The following B3GALT1 variants were observed in gnomAD, a reference collection of about 807,000 sequenced individuals.
The protein encoded by B3GALT1 is UDP-Gal:betaGlcNAc beta 1,3-galactosyltransferase, polypeptide 1.
Under a neutral mutation model 23.2 loss-of-function variants are expected in B3GALT1, and 10 were observed. The observed-to-expected ratio is 0.43, with a 90% CI of 0.27 to 0.73. B3GALT1 has a LOEUF of 0.73. Among genes scored for constraint, B3GALT1 ranks in the 30% least tolerant of loss-of-function variants. The pLI, the probability that B3GALT1 is intolerant of heterozygous loss-of-function variation, is 0.21. For synonymous variants in B3GALT1, 156 were observed against 141.5 expected (o/e 1.10, Z -0.73); for missense variants, 299 against 405.4 (o/e 0.74, Z 2.25).
chr2:167,815,973 G>A (rs6716210), intron 3 of B3GALT1, among the ~76,000 whole-genome samples: 17,187 of 152,156 alleles, frequency 0.11, 1,482 homozygotes, highest in East Asian at 0.35. Flanking sequence ...ATATTATTTT[G>A]TATTCTGAAA....
chr2:167,699,512 T>C (rs1048027181), intron 3 of B3GALT1, among the ~76,000 whole-genome samples: 10 of 150,224 alleles, frequency 6.7e-5, no homozygotes, highest in African/African-American at 2.4e-4. Flanking sequence ...TTTGCAAAAA[T>C]TAAAGTAAAT....
At chr2:167,865,213 A>G (rs1210839833) in intron 4 of B3GALT1, among the ~76,000 whole-genome samples, 1 of 151,666 alleles carries the variant, frequency 6.6e-6, no homozygotes, top group Non-Finnish European at 1.5e-5. Context: ...GTTGGAGACC[A>G]GCCTGGCCAA....
At chr2:167,410,941 AAAATGTTGATGCTATAC>A (rs1698381004) in intron 1 of B3GALT1, among the ~76,000 whole-genome samples, 1 of 152,110 alleles carries the variant, frequency 6.6e-6, no homozygotes, top group Non-Finnish European at 1.5e-5. Flanking sequence ...GACCTAACAG[AAAATGTTGATGCTATAC>A]AAATGTATTT....
At chr2:167,822,959 C>T (rs1168498997) in intron 4 of B3GALT1, among the ~76,000 whole-genome samples, 1 of 152,204 alleles carries the variant, frequency 6.6e-6, no homozygotes, top group African/African-American at 2.4e-5. Context: ...CATTTCCTAG[C>T]CTTCCTTAGA....
At chr2:167,497,607 A>G (rs1699798491) in intron 2 of B3GALT1, among the ~76,000 whole-genome samples, 1 of 152,140 alleles carries the variant, frequency 6.6e-6, no homozygotes, top group East Asian at 1.9e-4. Context: ...GCCTTGAGCC[A>G]TGCCCATAGC....
chr2:167,424,853 A>G (rs1698601101), intron 1 of B3GALT1, among the ~76,000 whole-genome samples: 1 of 152,230 alleles, frequency 6.6e-6, no homozygotes, highest in South Asian at 2.1e-4. Flanking sequence ...ATGAAATTTG[A>G]AAGTATCCCG....
chr2:167,628,244 A>G (rs1352218377), intron 2 of B3GALT1, among the ~76,000 whole-genome samples: 2 of 151,760 alleles, frequency 1.3e-5, no homozygotes, highest in East Asian at 3.9e-4. Flanking sequence ...GGAGAGAATA[A>G]ACTAAGACCC....
chr2:167,379,961 T>C (rs753153791), intron 1 of B3GALT1, among the ~76,000 whole-genome samples: 12 of 152,230 alleles, frequency 7.9e-5, no homozygotes, highest in Non-Finnish European at 1.8e-4. Context: ...CCAGGATCTC[T>C]GCTTAGGAAG....
Position 167,869,620 on chromosome 2 carries a change from C to T in B3GALT1, c.581C>T (p.Pro194Leu), listed in dbSNP as rs781720808. 10 of 1,614,068 alleles carry T rather than the reference C, an allele frequency of 6.2e-6. No homozygotes were observed. Among genetic ancestry groups the T allele is most frequent in the Non-Finnish European group, 7.6e-6 (9 of 1,180,022 alleles). ...AATCTTATTTATAAATTACTGAAAC[C>T]CTCCACCAAGCCACGAAGAAGGTAT... ...MDNLIYKLLK[P>L]STKPRRRYFT... Residue 194 changes from proline (P) to leucine (L), a missense_variant, in exon 5 of 5, where the codon CCC becomes CTC. By Grantham distance (98) the Pro-to-Leu change is moderately conservative. Coordinates refer to ENST00000392690, the MANE Select transcript of B3GALT1 (RefSeq NM_020981.4). The surrounding 1 kb of genome is among the most constrained non-coding windows in gnomAD (Gnocchi z 6.4).
intron 1 of B3GALT1, among the ~76,000 whole-genome samples, chr2:167,378,257 T>G (rs1697794629): frequency 6.6e-6 from 1 of 152,166 alleles, no homozygotes; most frequent in Non-Finnish European, 1.5e-5. Flanking sequence ...TTTAATATTT[T>G]TTTCTTTAGC....
chr2:167,410,787 A>G (rs1183956542), intron 1 of B3GALT1, among the ~76,000 whole-genome samples: 5 of 152,108 alleles, frequency 3.3e-5, no homozygotes, highest in Non-Finnish European at 7.4e-5. Context: ...GCACAGAACT[A>G]TGAGGCTTTT....
At chr2:167,592,627 G>A (rs1684705557) in intron 2 of B3GALT1, among the ~76,000 whole-genome samples, 1 of 152,150 alleles carries the variant, frequency 6.6e-6, no homozygotes, top group Non-Finnish European at 1.5e-5. Context: ...GCTTTGGAGG[G>A]TAGAACCCTT....
intron 1 of B3GALT1, among the ~76,000 whole-genome samples, chr2:167,335,651 A>G (rs1215508254): frequency 6.6e-6 from 1 of 152,218 alleles, no homozygotes; most frequent in Non-Finnish European, 1.5e-5. Context: ...GTAAACTGTC[A>G]TGGTGCTGGT....
chr2:167,500,228 A>T (rs114525855), intron 2 of B3GALT1, among the ~76,000 whole-genome samples: 4,160 of 152,302 alleles, frequency 0.027, 66 homozygotes, highest in Non-Finnish European at 0.04. Context: ...TCTTAATTGA[A>T]CAAATTGAAA....
At chr2:167,571,376 C>T (rs1040698355) in intron 2 of B3GALT1, among the ~76,000 whole-genome samples, 4 of 151,878 alleles carry the variant, frequency 2.6e-5, no homozygotes, top group Non-Finnish European at 5.9e-5. Flanking sequence ...CCTTAATTCT[C>T]TTTATTAACT....
intron 1 of B3GALT1, among the ~76,000 whole-genome samples, chr2:167,449,507 G>A (rs890444593): frequency 2.0e-5 from 3 of 151,960 alleles, no homozygotes; most frequent in African/African-American, 7.2e-5. Context: ...AAGTCTTTAG[G>A]GTTTTCTAGA....
At chr2:167,328,815 T>A (rs1455366406) in intron 1 of B3GALT1, among the ~76,000 whole-genome samples, 1 of 152,126 alleles carries the variant, frequency 6.6e-6, no homozygotes, top group Non-Finnish European at 1.5e-5. Flanking sequence ...TTTTCTACTT[T>A]TTTTATTTTA....
chr2:167,494,056 T>G (rs1699745198), intron 2 of B3GALT1, among the ~76,000 whole-genome samples: 1 of 151,912 alleles, frequency 6.6e-6, no homozygotes, highest in Admixed American at 6.6e-5. Flanking sequence ...ACCAAGAGAG[T>G]ATGCCAACAA....
At chr2:167,633,146 A>G (rs950335722) in intron 2 of B3GALT1, among the ~76,000 whole-genome samples, 4 of 151,936 alleles carry the variant, frequency 2.6e-5, no homozygotes, top group Non-Finnish European at 5.9e-5. Context: ...TCCCCAATCT[A>G]GCAAGACTGG....
Sources: allele counts gnomAD v4.1 joint callset (sites outside exome capture counted in the v4.1 genomes callset), GRCh38; gene constraint gnomAD v4.1.1; non-coding constraint Gnocchi (gnomAD v3.1); transcripts MANE v1.5; gene names NCBI Gene and HGNC (gene_info 2026-07-23, HGNC 2026-07-21).